Variants in OPHN1 observed in about 807,000 individuals in gnomAD.
OPHN1 encodes the protein oligophrenin-1.
Under a neutral mutation model 60.7 loss-of-function variants are expected in OPHN1, and 11 were observed. That is an observed-to-expected ratio of 0.18 (90% CI 0.11 to 0.30). OPHN1 has a LOEUF of 0.30. Among genes scored for constraint, OPHN1 ranks in the 10% least tolerant of loss-of-function variants. The probability of loss-of-function intolerance (pLI) is 1.00; values close to 1 mark genes in which losing one functional copy is unlikely to be tolerated. For synonymous variants in OPHN1, 226 were observed against 222.6 expected, an observed-to-expected ratio of 1.02 and a Z score of -0.14; for missense variants, 449 against 611.0, an observed-to-expected ratio of 0.73 and a Z score of 2.80.
chrX:68,078,761 G>A (rs896334535), intron 19 of OPHN1, among the ~76,000 whole-genome samples: 20 of 110,276 alleles, frequency 1.8e-4, no homozygotes, highest in Admixed American at 5.8e-4. Context: ...TGAGGCAGGC[G>A]GATCCCTTGA....
chrX:68,293,916 T>C (rs1016904071), intron 3 of OPHN1, among the ~76,000 whole-genome samples: 4 of 111,150 alleles, frequency 3.6e-5, no homozygotes, highest in African/African-American at 1.3e-4. Context: ...AAGGCTTCCA[T>C]GTTTATTCTC....
chrX:68,133,638 G>A (rs190065140), intron 15 of OPHN1, among the ~76,000 whole-genome samples: 2 of 111,614 alleles, frequency 1.8e-5, no homozygotes, highest in South Asian at 3.8e-4. Flanking sequence ...CCCTTTTTCT[G>A]CTCATCCAGT....
chrX:68,217,398 C>G (rs1385754246), intron 6 of OPHN1, among the ~76,000 whole-genome samples: 1 of 112,051 alleles, frequency 8.9e-6, no homozygotes, highest in Non-Finnish European at 1.9e-5. Context: ...ACAAAGCAGC[C>G]AGGAAGCTCG....
intron 2 of OPHN1, among the ~76,000 whole-genome samples, chrX:68,331,771 C>T (rs2078296278): frequency 1.9e-5 from 2 of 108,006 alleles, no homozygotes; most frequent in African/African-American, 6.7e-5. Context: ...TGCAGTGGCT[C>T]CTGCCTGTAA....
intron 2 of OPHN1, among the ~76,000 whole-genome samples, chrX:68,348,867 TAA>T (rs2147700455): frequency 9.0e-6 from 1 of 111,534 alleles, no homozygotes; most frequent in Admixed American, 9.6e-5. Context: ...AAACAGCAGA[TAA>T]ATAGACAAGG....
intron 15 of OPHN1, among the ~76,000 whole-genome samples, chrX:68,147,773 A>G (rs1046622936): frequency 1.2e-4 from 13 of 112,055 alleles, no homozygotes; most frequent in Non-Finnish European, 1.9e-4. Context: ...ATAGAGCCTA[A>G]GAATCAATGC....
intron 21 of OPHN1, among the ~76,000 whole-genome samples, chrX:68,054,100 T>C (rs1453941767): frequency 9.1e-6 from 1 of 110,380 alleles, no homozygotes; most frequent in Non-Finnish European, 1.9e-5. Context: ...CCACAATATA[T>C]TATCTTACAG....
chrX:68,380,158 G>A (rs1266195986), intron 2 of OPHN1, among the ~76,000 whole-genome samples: 1 of 111,350 alleles, frequency 9.0e-6, no homozygotes, highest in Non-Finnish European at 1.9e-5. Flanking sequence ...TTAATCTTGG[G>A]AGGGTGTATG....
chrX:68,228,474 A>G (rs1329972298), intron 6 of OPHN1, among the ~76,000 whole-genome samples: 2 of 111,673 alleles, frequency 1.8e-5, no homozygotes, highest in East Asian at 5.6e-4. Context: ...AGAATTTTAG[A>G]CCAATATCCC....
intron 18 of OPHN1, among the ~76,000 whole-genome samples, chrX:68,098,670 C>A (rs963903634): frequency 2.7e-5 from 3 of 111,649 alleles, no homozygotes; most frequent in East Asian, 2.8e-4. Context: ...AGTTTCAATA[C>A]CCCTGCAATT....
chrX:68,251,524 T>C (rs1410465822), intron 5 of OPHN1, among the ~76,000 whole-genome samples: 1 of 111,275 alleles, frequency 9.0e-6, no homozygotes, highest in African/African-American at 3.3e-5. Context: ...CAATGAAGAT[T>C]GAGGAATGGA....
chrX:68,118,818 C>T (rs5918813), intron 16 of OPHN1, among the ~76,000 whole-genome samples: 37,096 of 109,947 alleles, frequency 0.34, 4,718 homozygotes, highest in Middle Eastern at 0.41. Flanking sequence ...AGACATGATA[C>T]GTAGCACATC....
At chrX:68,062,536 C>A (rs1404579568) in intron 21 of OPHN1, among the ~76,000 whole-genome samples, 1 of 112,294 alleles carries the variant, frequency 8.9e-6, no homozygotes, top group African/African-American at 3.2e-5. Context: ...ATCGGGTCCA[C>A]AGGCCATAGT....
At chrX:68,266,115 T>C (rs1426752311) in intron 5 of OPHN1, among the ~76,000 whole-genome samples, 1 of 111,504 alleles carries the variant, frequency 9.0e-6, no homozygotes, top group Non-Finnish European at 1.9e-5. Context: ...CAGGATATTA[T>C]CCAGGAGAAC....
chrX:68,277,934 C>A (rs919247358), intron 4 of OPHN1, among the ~76,000 whole-genome samples: 4 of 112,305 alleles, frequency 3.6e-5, no homozygotes, highest in African/African-American at 1.3e-4. Flanking sequence ...ATTCAGGAAC[C>A]CCCAGGAGGG....
chrX:68,305,301 G>A (rs1035489145), intron 2 of OPHN1, among the ~76,000 whole-genome samples: 10 of 111,721 alleles, frequency 9.0e-5, no homozygotes, highest in Non-Finnish European at 1.5e-4. Flanking sequence ...GCAAGAGGTC[G>A]AGACTGTAGC....
chrX:68,145,035 G>A (rs1192174374), intron 15 of OPHN1, among the ~76,000 whole-genome samples: 1 of 111,325 alleles, frequency 9.0e-6, no homozygotes, highest in Admixed American at 9.6e-5. Context: ...GAAAGTCTTC[G>A]ATGATGAGTA....
chrX:68,346,909 CA>C (rs1010332525), intron 2 of OPHN1, among the ~76,000 whole-genome samples: 5 of 112,367 alleles, frequency 4.4e-5, no homozygotes, highest in African/African-American at 1.6e-4. Context: ...TTTGGGAAAA[CA>C]ATCTAATTTG....
intron 19 of OPHN1, among the ~76,000 whole-genome samples, chrX:68,091,079 A>T (rs144023231): frequency 0.023 from 2,542 of 111,234 alleles, 74 homozygotes; most frequent in African/African-American, 0.078. Flanking sequence ...TCAATAAAAC[A>T]GGTCCCCCTT....
Sources: gnomAD v4.1 joint callset for allele counts (sites outside exome capture counted in the v4.1 genomes callset) on GRCh38, gnomAD v4.1.1 for gene constraint, MANE v1.5 for transcripts, NCBI Gene and HGNC (gene_info 2026-07-23, HGNC 2026-07-21) for gene names.